The following ZNF732 variants were observed in gnomAD, a reference collection of about 807,000 sequenced individuals.
ZNF732 encodes zinc finger protein LOC654254.
A neutral mutation model predicts 11.5 loss-of-function variants in ZNF732; 12 were observed. The observed-to-expected ratio is 1.05, with a 90% CI of 0.67 to 1.70. ZNF732 has a LOEUF of 1.70. Ranked by LOEUF, ZNF732 falls within the 40% of genes most tolerant of loss-of-function variation. ZNF732 has a pLI of 0.00. For synonymous variants in ZNF732, 231 were observed against 236.5 expected, an observed-to-expected ratio of 0.98 and a Z score of 0.21; for missense variants, 702 against 676.9, an observed-to-expected ratio of 1.04 and a Z score of -0.41.
intron 3 of ZNF732, among the ~76,000 whole-genome samples, chr4:282,142 A>T (rs1196946852): frequency 2.0e-5 from 3 of 152,204 alleles, no homozygotes; most frequent in Non-Finnish European, 4.4e-5. Flanking sequence ...GAAAGTTCGT[A>T]AATAGACTTT....
intron 1 of ZNF732, among the ~76,000 whole-genome samples, chr4:303,548 G>A (rs1720160728): frequency 2.0e-5 from 3 of 152,218 alleles, no homozygotes; most frequent in Admixed American, 6.5e-5. Context: ...CTCGGGAGGT[G>A]GAGGTTGCAG....
chr4:286,341 G>A (rs1451148943), intron 3 of ZNF732, among the ~76,000 whole-genome samples: 1 of 152,124 alleles, frequency 6.6e-6, no homozygotes, highest in African/African-American at 2.4e-5. Context: ...ATAATCCCTT[G>A]CATGTATTAT....
Position 272,307 on chromosome 4 carries a change from G to C in ZNF732, c.550C>G (p.Gln184Glu). 1 of 1,612,760 alleles carries C rather than the reference G, an allele frequency of 6.2e-7. No individual in the cohort carries two copies. Among genetic ancestry groups the C allele is most frequent in the Non-Finnish European group, 8.5e-7 (1 of 1,179,214 alleles). ...KSFQKFSDLT[Q>E]HQGIHAGEKP... is the part of the protein sequence containing the mutation. The stretch of plus-strand genomic sequence containing the variant: ...TCTCCAGCATGAATTCCTTGATGTT[G>C]AGTTAGGTCTGAGAACTTCTGAAAT... The change falls in exon 4 of 4, where the codon CAA becomes GAA. Residue 184 changes from glutamine (Q) to glutamate (E), a missense_variant. Gln to Glu is a conservative substitution (Grantham distance 29). This residue lies in a region of ZNF732 where 596 missense variants were observed against 557.9 expected (regional missense o/e 1.07). Coordinates refer to ENST00000419098, the MANE Select transcript of ZNF732 (RefSeq NM_001137608.3).
At chr4:288,012 C>G (rs1719767742) in intron 3 of ZNF732, among the ~76,000 whole-genome samples, 1 of 151,810 alleles carries the variant, frequency 6.6e-6, no homozygotes, top group African/African-American at 2.4e-5. Context: ...TGTGGTTTTG[C>G]CTTACATTAC....
chr4:299,386 CA>C (rs1560165022), intron 1 of ZNF732, among the ~76,000 whole-genome samples: 1 of 88,458 alleles, frequency 1.1e-5, no homozygotes, highest in African/African-American at 3.7e-5. Context: ...TATATATACA[CA>C]TATGTACACA....
intron 3 of ZNF732, among the ~76,000 whole-genome samples, chr4:277,321 TAA>T (rs1373647989): frequency 2.6e-5 from 4 of 151,862 alleles, no homozygotes; most frequent in Admixed American, 2.6e-4. Flanking sequence ...CTTTGCACAG[TAA>T]AGAAAACAAT....
At chr4:272,777 G>A (rs1037346139) in intron 3 of ZNF732, 147 bp from the exon 4 acceptor site, 2 of 794,138 alleles carry the variant, frequency 2.5e-6, no homozygotes, top group African/African-American at 1.7e-5. Flanking sequence ...ACATATATAT[G>A]TAACAAACAT....
At chr4:283,980 G>A (rs1461798956) in intron 3 of ZNF732, among the ~76,000 whole-genome samples, 4 of 151,772 alleles carry the variant, frequency 2.6e-5, no homozygotes, top group Admixed American at 6.6e-5. Context: ...GTGCGATCTC[G>A]GCTCACTGCA....
Position 288,779 on chromosome 4 carries a change from C to T in ZNF732, c.226+6659G>A, listed in dbSNP as rs538620174. ...ATATTTTTCCAAAAAGTAGGCTGGG[C>T]GCAGTGGCTCATGTCTGTAATCCCA... On this transcript the variant is annotated intron_variant, in intron 3 of 3. Coordinates refer to ENST00000419098, the MANE Select transcript of ZNF732 (RefSeq NM_001137608.3). Among the ~76,000 whole-genome samples, 72 of 152,172 alleles carry T rather than the reference C, an allele frequency of 4.7e-4. No homozygotes were observed. The South Asian group carries it at 0.015, about 31-fold the overall frequency.
intron 3 of ZNF732, among the ~76,000 whole-genome samples, chr4:283,719 T>G (rs181812871): frequency 6.6e-6 from 1 of 152,108 alleles, no homozygotes; most frequent in Non-Finnish European, 1.5e-5. Context: ...AAGAAAACAA[T>G]TGCTTGCATA....
intron 1 of ZNF732, among the ~76,000 whole-genome samples, chr4:304,371 C>G (rs976895477): frequency 2.0e-5 from 3 of 152,024 alleles, no homozygotes; most frequent in Non-Finnish European, 4.4e-5. Flanking sequence ...TGTGCAGAAC[C>G]CGGCCGCGCC....
chr4:288,112 T>C (rs1440345347), intron 3 of ZNF732, among the ~76,000 whole-genome samples: 3 of 152,242 alleles, frequency 2.0e-5, no homozygotes, highest in Non-Finnish European at 4.4e-5. Context: ...TTAATCATGT[T>C]ATTCTTTGTT....
At chr4:284,327 T>G (rs1322249014) in intron 3 of ZNF732, among the ~76,000 whole-genome samples, 1 of 151,892 alleles carries the variant, frequency 6.6e-6, no homozygotes, top group African/African-American at 2.4e-5. Flanking sequence ...GAACAACTGA[T>G]GAGTCAAAGA....
intron 3 of ZNF732, 38 bp from the exon 4 acceptor site, chr4:272,668 T>G (rs782638818): frequency 2.4e-5 from 34 of 1,441,086 alleles, no homozygotes; most frequent in Non-Finnish European, 2.8e-5. Flanking sequence ...GCTTACTAGA[T>G]TCATACGAAT....
chr4:299,418 C>T (rs868978734), intron 1 of ZNF732, among the ~76,000 whole-genome samples: 7 of 83,488 alleles, frequency 8.4e-5, no homozygotes, highest in South Asian at 4.2e-4. Context: ...TATATATACA[C>T]ATATATACAC....
In ZNF732 at chr4:271,107, T is replaced by G; in HGVS notation, c.1750A>C (p.Lys584Gln). The G allele has an allele frequency of 6.6e-7, 1 of 1,510,012 alleles. No individual in the cohort carries two copies. The highest frequency in any genetic ancestry group is 1.4e-5 in the African/African-American group (1 of 69,054). The allele number at this position is 1,510,012 out of a possible 1,614,324, so 93.5% of individuals were successfully genotyped here. ...CCACATTCTTCATATTTCTAGAGTT[T>G]CTCTCCAGTATAAATTTTATTATGT... ...NQHNKIYTGE[K>Q]L is the part of the protein sequence containing the mutation. Residue 584 changes from lysine to glutamine, a missense_variant, in exon 4 of 4, where the codon AAA (lysine) becomes CAA (glutamine). This residue lies in a region of ZNF732 where 94 missense variants were observed against 87.5 expected (regional missense o/e 1.07). Coordinates refer to ENST00000419098, the MANE Select transcript of ZNF732 (RefSeq NM_001137608.3).
intron 3 of ZNF732, among the ~76,000 whole-genome samples, chr4:290,016 CA>C (rs1339819207): frequency 6.6e-6 from 1 of 152,272 alleles, no homozygotes; most frequent in African/African-American, 2.4e-5. Flanking sequence ...TATTTAGACT[CA>C]AAATGAAAAT....
rs1560154494 is a variant in ZNF732 at position 270,803 on chromosome 4, T to G, written c.*296A>C. 1.7e-6 allele frequency: 1 copy of G among 583,438 alleles called. No individual in the cohort carries two copies. Among genetic ancestry groups the G allele is most frequent in the Non-Finnish European group, 3.2e-6 (1 of 311,402 alleles). 36.1% of individuals were successfully genotyped at this position (583,438 alleles called of 1,614,324 possible). A position where few individuals can be genotyped will look rare whatever the true frequency, so the allele number is the denominator to read the frequency against. On this transcript the variant is annotated 3_prime_UTR_variant, in exon 4 of 4. Coordinates refer to ENST00000419098, the MANE Select transcript of ZNF732 (RefSeq NM_001137608.3). ...CCCATATGAATTTTCTTATGTTCAC[T>G]CAGGGTTGTGGACCATCTAAAAGCT...
At chr4:299,360 T>C (rs574552891) in intron 1 of ZNF732, among the ~76,000 whole-genome samples, 1 of 110,586 alleles carries the variant, frequency 9.0e-6, no homozygotes, top group Non-Finnish European at 2.0e-5. Context: ...TACACATATA[T>C]ACACATATGT....
Sources: allele counts gnomAD v4.1 joint callset (sites outside exome capture counted in the v4.1 genomes callset), GRCh38; gene constraint gnomAD v4.1.1; regional missense constraint gnomAD v4.1.1; transcripts MANE v1.5; gene names NCBI Gene and HGNC (gene_info 2026-07-23, HGNC 2026-07-21).